The following RBFOX1 variants were observed in gnomAD, a reference collection of about 807,000 sequenced individuals.
RBFOX1 encodes the protein RNA binding protein fox-1 homolog 1.
A neutral mutation model predicts 57.7 loss-of-function variants in RBFOX1; 8 were observed. The observed-to-expected ratio is 0.14, with a 90% CI of 0.08 to 0.25. The LOEUF is 0.25. Among genes scored for constraint, RBFOX1 ranks in the 10% least tolerant of loss-of-function variants. The pLI, the probability that RBFOX1 is intolerant of heterozygous loss-of-function variation, is 1.00. For synonymous variants in RBFOX1, 326 were observed against 222.4 expected (o/e 1.47, Z -4.15); for missense variants, 611 against 548.5 (o/e 1.11, Z -1.14).
At chr16:6,387,545 A>G (rs980287148) in intron 2 of RBFOX1, among the ~76,000 whole-genome samples, 3 of 152,104 alleles carry the variant, frequency 2.0e-5, no homozygotes, top group African/African-American at 7.2e-5. Context: ...TAAATTCAAG[A>G]TATTTGGGAT....
At chr16:6,633,588 C>T (rs1044487556) in intron 2 of RBFOX1, among the ~76,000 whole-genome samples, 2 of 152,188 alleles carry the variant, frequency 1.3e-5, no homozygotes, top group African/African-American at 4.8e-5. Flanking sequence ...GACACTGCGC[C>T]TGGCCACATG....
intron 3 of RBFOX1, among the ~76,000 whole-genome samples, chr16:6,890,693 G>A (rs1051329582): frequency 6.6e-6 from 1 of 152,156 alleles, no homozygotes; most frequent in Non-Finnish European, 1.5e-5. Flanking sequence ...AGTTTCCTGG[G>A]ATTTCCGTAT....
At chr16:6,583,202 A>C (rs969178399) in intron 2 of RBFOX1, among the ~76,000 whole-genome samples, 4 of 152,162 alleles carry the variant, frequency 2.6e-5, no homozygotes, top group African/African-American at 4.8e-5. Flanking sequence ...GAGTAGTTCT[A>C]ATGGGTCCTA....
intron 2 of RBFOX1, among the ~76,000 whole-genome samples, chr16:5,588,673 G>A (rs538158383): frequency 2.4e-4 from 36 of 152,256 alleles, no homozygotes; most frequent in South Asian, 1.2e-3. Context: ...AGGGCTGGGA[G>A]GGCATTGAAT....
chr16:5,289,304 T>G (rs9938577), intron 1 of RBFOX1: 185,769 of 411,338 alleles, frequency 0.45, 43,482 homozygotes, highest in Non-Finnish European at 0.51. Context: ...CCTCCCATGG[T>G]CAGCCTCATT....
chr16:7,657,254 T>TAGTC (rs2066530283), intron 12 of RBFOX1, among the ~76,000 whole-genome samples: 1 of 152,328 alleles, frequency 6.6e-6, no homozygotes, highest in Admixed American at 6.5e-5. Context: ...AACATAAAGA[T>TAGTC]AGTCACACCA....
At chr16:5,549,645 A>G (rs1206586870) in intron 2 of RBFOX1, among the ~76,000 whole-genome samples, 1 of 152,208 alleles carries the variant, frequency 6.6e-6, no homozygotes, top group African/African-American at 2.4e-5. Flanking sequence ...ACAGCATTCA[A>G]AAACTTCATC....
At chr16:6,086,430 C>A (rs369458921) in intron 1 of RBFOX1, among the ~76,000 whole-genome samples, 6 of 152,172 alleles carry the variant, frequency 3.9e-5, no homozygotes, top group Admixed American at 3.3e-4. Context: ...GCAGAGCAGT[C>A]GGTGGTAAAG....
chr16:7,535,142 C>T (rs966834081), intron 5 of RBFOX1, among the ~76,000 whole-genome samples: 1 of 152,142 alleles, frequency 6.6e-6, no homozygotes, highest in Non-Finnish European at 1.5e-5. Context: ...GCTATGAAAT[C>T]TCCTTAAATG....
At chr16:6,900,422 A>C (rs570840258) in intron 3 of RBFOX1, among the ~76,000 whole-genome samples, 1 of 152,166 alleles carries the variant, frequency 6.6e-6, no homozygotes. Flanking sequence ...TAATCATGCT[A>C]CCACTATCTG....
intron 3 of RBFOX1, among the ~76,000 whole-genome samples, chr16:5,762,000 G>A (rs895069115): frequency 8.5e-5 from 13 of 152,168 alleles, no homozygotes; most frequent in Middle Eastern, 3.4e-3. Flanking sequence ...TGTCACCTGC[G>A]CCTCCTTGGG....
chr16:5,597,266 T>A (rs5015130), intron 2 of RBFOX1, among the ~76,000 whole-genome samples: 4 of 136,942 alleles, frequency 2.9e-5, no homozygotes, highest in Non-Finnish European at 4.7e-5. Context: ...TGCACCTCTC[T>A]GTCCTTCCCT....
intron 4 of RBFOX1, among the ~76,000 whole-genome samples, chr16:7,163,109 G>C (rs1269551266): frequency 6.6e-6 from 1 of 152,138 alleles, no homozygotes; most frequent in Non-Finnish European, 1.5e-5. Context: ...TAATTCCTAA[G>C]TTACTGAATG....
At chr16:5,651,578 C>T (rs1415833008) in intron 3 of RBFOX1, among the ~76,000 whole-genome samples, 1 of 152,136 alleles carries the variant, frequency 6.6e-6, no homozygotes, top group African/African-American at 2.4e-5. Context: ...GGGAAATGAG[C>T]ACCCCGTCCT....
intron 2 of RBFOX1, among the ~76,000 whole-genome samples, chr16:5,477,766 T>A (rs978752535): frequency 2.0e-5 from 3 of 152,140 alleles, no homozygotes; most frequent in African/African-American, 7.2e-5. Flanking sequence ...AGCTTTCTGA[T>A]CACAGAAAAG....
At chr16:5,554,823 T>A (rs961804846) in intron 2 of RBFOX1, among the ~76,000 whole-genome samples, 11 of 152,226 alleles carry the variant, frequency 7.2e-5, no homozygotes, top group Admixed American at 2.0e-4. Context: ...TTTGTCTTTT[T>A]TCTTACTCAC....
At chr16:5,941,655 A>G (rs551188675) in intron 4 of RBFOX1, among the ~76,000 whole-genome samples, 11 of 152,298 alleles carry the variant, frequency 7.2e-5, no homozygotes, top group Admixed American at 2.6e-4. Context: ...GAGCACATGG[A>G]AGACCTACTG....
At chr16:5,366,055 T>TC in intron 1 of RBFOX1, 1 of 474,074 alleles carries the variant, frequency 2.1e-6, no homozygotes. Context: ...AGCAATGGTT[T>TC]CCCTTGGGGC....
At chr16:6,217,174 C>CT (rs71142697) in intron 1 of RBFOX1, among the ~76,000 whole-genome samples, 33,954 of 118,080 alleles carry the variant, frequency 0.29, 5,612 homozygotes, top group East Asian at 0.42. Context: ...TTAGGGGATT[C>CT]TTTTTTTTTT....
Sources: allele counts gnomAD v4.1 joint callset (sites outside exome capture counted in the v4.1 genomes callset), GRCh38; gene constraint gnomAD v4.1.1; transcripts MANE v1.5; gene names NCBI Gene and HGNC (gene_info 2026-07-23, HGNC 2026-07-21).